CYTH3: variants seen among roughly 807,000 people sequenced by gnomAD.
CYTH3 encodes cytohesin 3.
In CYTH3, 23 loss-of-function variants were observed where a neutral mutation model predicts 55.1. The ratio of observed to expected loss-of-function variants is 0.42; its 90% CI spans 0.30 to 0.59. The LOEUF (loss-of-function observed/expected upper bound fraction) is 0.59, where lower values mean the gene tolerates loss of function less well. Among genes scored for constraint, CYTH3 ranks in the 20% least tolerant of loss-of-function variants. The probability of loss-of-function intolerance (pLI) is 0.20; values close to 1 mark genes in which losing one functional copy is unlikely to be tolerated. For synonymous variants in CYTH3, 249 were observed against 194.9 expected (o/e 1.28, Z -2.31); for missense variants, 413 against 524.8 (o/e 0.79, Z 2.08).
rs575716895 is a variant in CYTH3 at position 6,251,284 on chromosome 7, TAAATA to T, written c.34+21185_34+21189del. On this transcript the variant is annotated intron_variant, in intron 1 of 12. Transcript: ENST00000350796. ...GAGCGAAACACCGTCTCAAAAAAAA[TAAATA>T]AAATAAAATAAATCTGAAAAGAAAG... is the stretch of plus-strand genomic sequence containing the variant. Among the ~76,000 whole-genome samples, 32 of 149,226 alleles carry T rather than the reference TAAATA, an allele frequency of 2.1e-4. No homozygotes were observed. In the South Asian group the frequency reaches 5.5e-3, roughly 26 times the overall value.
chr7:6,208,866 T>C (rs1242373866), intron 1 of CYTH3, among the ~76,000 whole-genome samples: 1 of 152,212 alleles, frequency 6.6e-6, no homozygotes, highest in Admixed American at 6.5e-5. Flanking sequence ...TAACATGGTC[T>C]AAAGATCTTC....
intron 1 of CYTH3, among the ~76,000 whole-genome samples, chr7:6,261,254 C>G (rs1023954463): frequency 1.3e-5 from 2 of 152,064 alleles, no homozygotes; most frequent in Non-Finnish European, 2.9e-5. Flanking sequence ...CCAAGAAGGT[C>G]AGCAGAATAG....
At chr7:6,239,740 A>C (rs906581821) in intron 1 of CYTH3, among the ~76,000 whole-genome samples, 1 of 152,222 alleles carries the variant, frequency 6.6e-6, no homozygotes, top group Non-Finnish European at 1.5e-5. Flanking sequence ...TTAGACACTA[A>C]AGTAGAAAAG....
intron 1 of CYTH3, among the ~76,000 whole-genome samples, chr7:6,196,086 T>C (rs1783919077): frequency 6.6e-6 from 1 of 152,322 alleles, no homozygotes; most frequent in East Asian, 1.9e-4. Flanking sequence ...TGAAACTACA[T>C]GCTTCCTTAG....
chr7:6,194,923 C>T (rs1365346541), intron 1 of CYTH3, among the ~76,000 whole-genome samples: 1 of 151,786 alleles, frequency 6.6e-6, no homozygotes, highest in Non-Finnish European at 1.5e-5. Context: ...TGCAGTGAGC[C>T]GAGATCGCGT....
chr7:6,270,095 T>G (rs1295956069), intron 1 of CYTH3, among the ~76,000 whole-genome samples: 1 of 152,198 alleles, frequency 6.6e-6, no homozygotes, highest in Non-Finnish European at 1.5e-5. Flanking sequence ...AAACATGAAT[T>G]TTAAAGCATT....
intron 1 of CYTH3, among the ~76,000 whole-genome samples, chr7:6,220,805 G>T (rs1388150716): frequency 1.3e-5 from 2 of 152,070 alleles, no homozygotes; most frequent in Non-Finnish European, 2.9e-5. Flanking sequence ...AGACCAGCCT[G>T]GGCAACACGG....
chr7:6,252,228 C>T (rs975631244), intron 1 of CYTH3, among the ~76,000 whole-genome samples: 2 of 152,180 alleles, frequency 1.3e-5, no homozygotes, highest in Non-Finnish European at 2.9e-5. Context: ...TTCACAGATC[C>T]TTGCTATCTC....
At position 6,225,354 on chromosome 7, in the gene CYTH3, A is replaced by AT. The variant is rs774582947; in HGVS notation, c.35-34824dup. On this transcript the variant is annotated intron_variant, in intron 1 of 12. Transcript: ENST00000350796. ...CCTACATTAAGATGAAGGAAAAAAA[A>AT]TTTTTTTTTTTTTTTTGAGACAGAG... Among the ~76,000 whole-genome samples, 947 of 143,330 alleles carry AT rather than the reference A, an allele frequency of 6.6e-3. 6 individuals carry two copies. The highest frequency in any genetic ancestry group is 0.026 in the Middle Eastern group (7 of 268). 94.0% of individuals were successfully genotyped at this position (143,330 alleles called of 152,430 possible).
At chr7:6,246,262 G>T (rs1779813360) in intron 1 of CYTH3, among the ~76,000 whole-genome samples, 1 of 151,026 alleles carries the variant, frequency 6.6e-6, no homozygotes, top group Admixed American at 6.6e-5. Context: ...AGAGACAGGG[G>T]TCTCACTTTG....
chr7:6,207,118 G>A (rs1275927035), intron 1 of CYTH3, among the ~76,000 whole-genome samples: 13 of 119,042 alleles, frequency 1.1e-4, no homozygotes, highest in Admixed American at 3.1e-4. Context: ...TTTTTGAGAC[G>A]GAGTCTCACT....
intron 1 of CYTH3, among the ~76,000 whole-genome samples, chr7:6,266,983 C>T (rs563758021): frequency 8.5e-5 from 13 of 152,278 alleles, no homozygotes; most frequent in African/African-American, 2.2e-4. Flanking sequence ...GGAGGGGAGG[C>T]GACAGGATCA....
At chr7:6,267,868 G>A (rs183014217) in intron 1 of CYTH3, among the ~76,000 whole-genome samples, 114 of 152,156 alleles carry the variant, frequency 7.5e-4, no homozygotes, top group African/African-American at 2.6e-3. Flanking sequence ...TGTAAAATGG[G>A]TATTTTCTTA....
rs1403953012 is a variant in CYTH3 at position 6,162,538 on chromosome 7, C to T, written c.*2406G>A. 1 of 152,214 alleles carries T rather than the reference C, an allele frequency of 6.6e-6. No homozygotes were observed. The highest frequency in any genetic ancestry group is 1.5e-5 in the Non-Finnish European group (1 of 68,068). The allele number at this position is 152,214 out of a possible 1,614,324, so 9.4% of individuals were successfully genotyped here. ...GCGGCTGGCCCTGCGCAGTCACTGA[C>T]CCAGAGTTTTCTGGACCAGGCCTGC... On this transcript the variant is annotated 3_prime_UTR_variant, in exon 13 of 13. Coordinates refer to ENST00000350796, the MANE Select transcript of CYTH3 (RefSeq NM_004227.4).
chr7:6,246,349 C>T (rs1007777068), intron 1 of CYTH3, among the ~76,000 whole-genome samples: 4 of 151,984 alleles, frequency 2.6e-5, no homozygotes, highest in East Asian at 1.9e-4. Context: ...ATTATAGCCA[C>T]GAGCTACCAT....
rs1257687912 is a variant in CYTH3 at position 6,164,915 on chromosome 7, C to G, written c.*29G>C. 3.1e-6 allele frequency: 5 copies of G among 1,613,988 alleles called. No individual in the cohort carries two copies. Among genetic ancestry groups the G allele is most frequent in the Non-Finnish European group, 4.2e-6 (5 of 1,179,956 alleles). ...CGGTGTCTTTCTGCTGGGGTTGGGT[C>G]TTTTACCTGGGTCTTTTAGCCAGGA... On this transcript the variant is annotated 3_prime_UTR_variant, in exon 13 of 13. Transcript: ENST00000350796.
chr7:6,215,722 A>G (rs1784411664), intron 1 of CYTH3, among the ~76,000 whole-genome samples: 2 of 152,222 alleles, frequency 1.3e-5, no homozygotes, highest in Non-Finnish European at 2.9e-5. Flanking sequence ...AACAAACTTG[A>G]AACAGGATAA....
intron 2 of CYTH3, among the ~76,000 whole-genome samples, chr7:6,189,740 C>T: frequency 6.6e-6 from 1 of 151,476 alleles, no homozygotes; most frequent in East Asian, 2.0e-4. Context: ...GGTGCTAGAA[C>T]ATTAACATAT....
intron 1 of CYTH3, among the ~76,000 whole-genome samples, chr7:6,199,354 G>C (rs1057042462): frequency 6.0e-4 from 92 of 152,266 alleles, no homozygotes; most frequent in African/African-American, 2.1e-3. Flanking sequence ...CTGAAATGAT[G>C]GGGGTAGAAA....
Sources: gnomAD v4.1 joint callset for allele counts (sites outside exome capture counted in the v4.1 genomes callset) on GRCh38, gnomAD v4.1.1 for gene constraint, MANE v1.5 for transcripts, NCBI Gene and HGNC (gene_info 2026-07-23, HGNC 2026-07-21) for gene names.